The following PPP3CA variants were observed in gnomAD, a reference collection of about 807,000 sequenced individuals.
PPP3CA encodes the protein CAM-PRP catalytic subunit.
PPP3CA carries 14 observed loss-of-function variants against 66.5 expected under a neutral mutation model. The observed-to-expected ratio is 0.21, with a 90% CI of 0.14 to 0.33. The LOEUF (loss-of-function observed/expected upper bound fraction) is 0.33. Ranked by LOEUF, PPP3CA falls within the 10% of genes least tolerant of loss-of-function variation. The pLI, the probability that PPP3CA is intolerant of heterozygous loss-of-function variation, is 1.00. For missense variants in PPP3CA, 317 were observed against 639.5 expected, an observed-to-expected ratio of 0.50 and a Z score of 5.44; for synonymous variants, 232 against 226.2, an observed-to-expected ratio of 1.03 and a Z score of -0.23.
chr4:101,278,167 A>G (rs570245316), intron 1 of PPP3CA, among the ~76,000 whole-genome samples: 3 of 149,834 alleles, frequency 2.0e-5, no homozygotes, highest in African/African-American at 4.9e-5. Flanking sequence ...TATTTTAACT[A>G]CGACTTTTAA....
At chr4:101,128,729 T>C (rs980599874) in intron 2 of PPP3CA, among the ~76,000 whole-genome samples, 1 of 152,028 alleles carries the variant, frequency 6.6e-6, no homozygotes, top group African/African-American at 2.4e-5. Context: ...ATACTACGCT[T>C]TCCCCACGGC....
chr4:101,255,840 A>G (rs1376329962), intron 1 of PPP3CA, among the ~76,000 whole-genome samples: 3 of 151,904 alleles, frequency 2.0e-5, no homozygotes, highest in Non-Finnish European at 4.4e-5. Context: ...TGTTACCATA[A>G]TCACTGTTGG....
At chr4:101,266,343 G>A (rs1056672699) in intron 1 of PPP3CA, among the ~76,000 whole-genome samples, 2 of 151,764 alleles carry the variant, frequency 1.3e-5, no homozygotes, top group Non-Finnish European at 2.9e-5. Flanking sequence ...TTACATCATA[G>A]GTACAAAAAA....
chr4:101,232,331 C>T (rs952986562), intron 1 of PPP3CA, among the ~76,000 whole-genome samples: 1 of 151,486 alleles, frequency 6.6e-6, no homozygotes, highest in Non-Finnish European at 1.5e-5. Flanking sequence ...CCATTTGGTT[C>T]CTCCTGGGAC....
chr4:101,096,490 C>G (rs1043413810), intron 5 of PPP3CA, among the ~76,000 whole-genome samples: 6 of 152,230 alleles, frequency 3.9e-5, no homozygotes, highest in Admixed American at 3.3e-4. Context: ...CTTATCCTTT[C>G]TATTTATTCT....
Position 101,346,905 on chromosome 4 carries a change from G to GCCGCA in PPP3CA, c.-110_-109insTGCGG. 1 of 914,100 alleles carries GCCGCA rather than the reference G, an allele frequency of 1.1e-6. No homozygotes were observed. The highest frequency in any genetic ancestry group is 1.6e-5 in the South Asian group (1 of 62,754). 56.6% of individuals were successfully genotyped at this position (914,100 alleles called of 1,614,324 possible). Reference sequence around the variant, plus strand: ...CCGCCGCCGCCGCCGCCGCCGCCGCGCTGCAAACCGCTCGGCTGGAGGTCT... The same window carrying GCCGCA: ...CCGCCGCCGCCGCCGCCGCCGCCGCGCCGCACTGCAAACCGCTCGGCTGGAGGTCT... On this transcript the variant is annotated 5_prime_UTR_variant, in exon 1 of 14. Coordinates refer to ENST00000394854, the MANE Select transcript of PPP3CA (RefSeq NM_000944.5).
Position 101,080,531 on chromosome 4 carries a change from C to G in PPP3CA, c.955+1G>C. The stretch of plus-strand genomic sequence containing the variant: ...TGCAAGAGGTATTTAAAAACACTTA[C>G]CTTTGTTATTGTATACATCTAAGTA... On this transcript the variant is annotated splice_donor_variant, in intron 8 of 13. Coordinates refer to ENST00000394854, the MANE Select transcript of PPP3CA (RefSeq NM_000944.5). LOFTEE classifies it high-confidence loss of function. 7.0e-7 allele frequency: 1 copy of G among 1,425,814 alleles called. No individual in the cohort carries two copies. 88.3% of individuals were successfully genotyped at this position (1,425,814 alleles called of 1,614,324 possible). A position where few individuals can be genotyped will look rare whatever the true frequency, so the allele number is the denominator to read the frequency against.
chr4:101,083,216 A>G lies in PPP3CA; in HGVS notation c.830T>C (p.Ile277Thr). The G allele has an allele frequency of 6.2e-7, 1 of 1,605,878 alleles. No homozygotes were observed. Among genetic ancestry groups the G allele is most frequent in the Non-Finnish European group, 8.5e-7 (1 of 1,175,614 alleles). ...EFLQHNNLLS[I>T]LRAHEAQDAG... ...ATCTTGGGCTTCGTGGGCTCGGAGT[A>G]TAGATAACAAGTTATTGTGCTGTAA... Residue 277 changes from isoleucine (I) to threonine (T), a missense_variant, in exon 7 of 14, where the codon ATA becomes ACA. Physicochemically the swap from Ile to Thr is moderately conservative, Grantham distance 89. Transcript: ENST00000394854.
chr4:101,181,799 T>A (rs776905064), intron 2 of PPP3CA, among the ~76,000 whole-genome samples: 3 of 152,178 alleles, frequency 2.0e-5, no homozygotes, highest in Non-Finnish European at 4.4e-5. Context: ...GATAAGAAAT[T>A]ATGAGGAGAC....
At chr4:101,276,597 C>T (rs141920374) in intron 1 of PPP3CA, among the ~76,000 whole-genome samples, 84 of 152,280 alleles carry the variant, frequency 5.5e-4, no homozygotes, top group African/African-American at 1.7e-3. Context: ...TACATTATCA[C>T]GCAGTTCATT....
At position 101,083,280 on chromosome 4, in the gene PPP3CA, G is replaced by A. The variant is rs1333056121; in HGVS notation, c.783-17C>T. 6.3e-7 allele frequency: 1 copy of A among 1,595,276 alleles called. No individual in the cohort carries two copies. The highest frequency in any genetic ancestry group is 1.3e-5 in the African/African-American group (1 of 74,328). On this transcript the variant is annotated splice_polypyrimidine_tract_variant and intron_variant, in intron 6 of 13. Coordinates refer to ENST00000394854, the MANE Select transcript of PPP3CA (RefSeq NM_000944.5). Reference sequence around the variant, plus strand: ...GCCGGGTAACTGCCAGAGACAAAAAGAAAAGGGAAGCATCTGTTAGGAAAT... The same window carrying A: ...GCCGGGTAACTGCCAGAGACAAAAAAAAAAGGGAAGCATCTGTTAGGAAAT...
intron 10 of PPP3CA, among the ~76,000 whole-genome samples, chr4:101,045,340 T>G (rs1308265831): frequency 1.3e-5 from 2 of 152,210 alleles, no homozygotes; most frequent in Non-Finnish European, 2.9e-5. Context: ...AGTGTATTCC[T>G]TCTTAACTCC....
At chr4:101,291,502 G>A (rs11946138) in intron 1 of PPP3CA, among the ~76,000 whole-genome samples, 13,178 of 152,136 alleles carry the variant, frequency 0.087, 1,725 homozygotes, top group African/African-American at 0.28. Flanking sequence ...CACTCTACCA[G>A]TCCACATCCA....
chr4:101,325,553 G>A (rs1203176534), intron 1 of PPP3CA, among the ~76,000 whole-genome samples: 1 of 152,170 alleles, frequency 6.6e-6, no homozygotes, highest in African/African-American at 2.4e-5. Flanking sequence ...TTAACTAAAT[G>A]AGTTAATATG....
intron 2 of PPP3CA, among the ~76,000 whole-genome samples, chr4:101,169,349 T>C (rs1723795843): frequency 6.6e-6 from 1 of 152,164 alleles, no homozygotes; most frequent in Non-Finnish European, 1.5e-5. Context: ...CAAGAATGAA[T>C]GGTGTGCATG....
rs150903407 is a variant in PPP3CA, at chr4:101,094,804, G to T, written c.643-889C>A. Reference sequence around the variant, plus strand: ...AATTTTAAACACTTTAGTTTATCCTGATTTAACTGCAATTAAAGGATCTTT... The same window carrying T: ...AATTTTAAACACTTTAGTTTATCCTTATTTAACTGCAATTAAAGGATCTTT... On this transcript the variant is annotated intron_variant, in intron 5 of 13. Coordinates refer to ENST00000394854, the MANE Select transcript of PPP3CA (RefSeq NM_000944.5). Among the ~76,000 whole-genome samples the T allele has an allele frequency of 3.7e-4, 56 of 152,142 alleles. 2 individuals are homozygous for T. The East Asian group carries it at 0.01, about 28-fold the overall frequency.
intron 9 of PPP3CA, among the ~76,000 whole-genome samples, chr4:101,061,990 G>A (rs151144888): frequency 2.6e-5 from 4 of 152,130 alleles, no homozygotes; most frequent in African/African-American, 9.6e-5. Flanking sequence ...GAATGATAGA[G>A]AGTCAAACTT....
chr4:101,093,933 CAGAG>C lies in PPP3CA; in HGVS notation c.643-22_643-19del. 1 of 1,589,590 alleles carries C rather than the reference CAGAG, an allele frequency of 6.3e-7. No individual in the cohort carries two copies. Among genetic ancestry groups the C allele is most frequent in the African/African-American group, 1.4e-5 (1 of 73,714 alleles). ...CGGTCTAACTAAGAAAAATAGAAGA[CAGAG>C]AGCAAAATACTAATCTTTGGAAACT... On this transcript the variant is annotated intron_variant, in intron 5 of 13. Transcript: ENST00000394854.
At chr4:101,124,771 G>GAA (rs1324290659) in intron 2 of PPP3CA, among the ~76,000 whole-genome samples, 7 of 129,540 alleles carry the variant, frequency 5.4e-5, no homozygotes, top group African/African-American at 2.3e-4. Context: ...AAGAAAGAAA[G>GAA]AAAGAAAGAA....
Sources: gnomAD v4.1 joint callset for allele counts (sites outside exome capture counted in the v4.1 genomes callset) on GRCh38, gnomAD v4.1.1 for gene constraint, MANE v1.5 for transcripts, NCBI Gene and HGNC (gene_info 2026-07-23, HGNC 2026-07-21) for gene names.